Variants in UNC13C observed in about 807,000 individuals in gnomAD.
UNC13C encodes unc-13 homolog C.
In UNC13C, 174 loss-of-function variants were observed where a neutral mutation model predicts 245.4. The observed-to-expected ratio is 0.71, with a 90% CI of 0.63 to 0.80. UNC13C has a LOEUF of 0.80. UNC13C is among the 30% of genes least tolerant of loss of function. The probability of loss-of-function intolerance (pLI) is 0.00; values close to 1 mark genes in which losing one functional copy is unlikely to be tolerated. For missense variants in UNC13C, 2,829 were observed against 2,602.9 expected (o/e 1.09, Z -1.89); for synonymous variants, 992 against 895.1 (o/e 1.11, Z -1.93).
At chr15:54,457,764 T>C (rs1891609938) in intron 19 of UNC13C, among the ~76,000 whole-genome samples, 1 of 152,022 alleles carries the variant, frequency 6.6e-6, no homozygotes, top group African/African-American at 2.4e-5. Flanking sequence ...ATCTTCTCTC[T>C]TCTTTTTCTT....
the UNC13C span, chr15:53,948,522 G>C: frequency 2.6e-5 from 4 of 151,896 alleles, no homozygotes; most frequent in African/African-American, 9.7e-5. Flanking sequence ...GCTGAGGCAG[G>C]AGAATCGCTT....
chr15:54,267,667 C>T (rs2036581048), intron 10 of UNC13C, among the ~76,000 whole-genome samples: 2 of 151,630 alleles, frequency 1.3e-5, no homozygotes, highest in South Asian at 4.1e-4. Flanking sequence ...TAACATATCT[C>T]CCCTACTCCT....
intron 4 of UNC13C, among the ~76,000 whole-genome samples, chr15:54,173,352 C>A (rs1311661206): frequency 1.3e-5 from 2 of 152,056 alleles, no homozygotes; most frequent in African/African-American, 2.4e-5. Context: ...AATCAAAGAA[C>A]ATGTAATGTG....
chr15:54,559,584 A>G (rs77558219), intron 29 of UNC13C, among the ~76,000 whole-genome samples: 3,590 of 152,128 alleles, frequency 0.024, 59 homozygotes, highest in Middle Eastern at 0.11. Flanking sequence ...CCTGCCTTTG[A>G]CTTGGGAACA....
chr15:54,540,944 C>T (rs2141166185), intron 26 of UNC13C, among the ~76,000 whole-genome samples: 1 of 152,082 alleles, frequency 6.6e-6, no homozygotes, highest in East Asian at 1.9e-4. Flanking sequence ...CCAATCATAC[C>T]AGGAATTTTT....
rs374619079 is a variant in UNC13C, at chr15:54,270,252, G to A, written c.3818+4756G>A. On this transcript the variant is annotated intron_variant, in intron 10 of 32. Transcript: ENST00000260323. ...GTTCACAGTGAATTTATGTTCAGACGTTGAAAAATGTATACACATCACAGA... is the reference window on the plus strand; with the variant it reads ...GTTCACAGTGAATTTATGTTCAGACATTGAAAAATGTATACACATCACAGA... Among the ~76,000 whole-genome samples the A allele has an allele frequency of 5.1e-4, 77 of 152,240 alleles. 1 individual carries two copies. In the East Asian group the frequency reaches 6.0e-3, roughly 12 times the overall value.
the UNC13C span, among the ~76,000 whole-genome samples, chr15:53,936,412 T>A: frequency 2.0e-5 from 3 of 152,120 alleles, no homozygotes; most frequent in Non-Finnish European, 4.4e-5. Context: ...GGGCAGCCAC[T>A]GTATCTGCAG....
intron 23 of UNC13C, among the ~76,000 whole-genome samples, chr15:54,509,935 TA>T (rs1360057327): frequency 2.0e-5 from 3 of 152,196 alleles, no homozygotes; most frequent in Admixed American, 2.0e-4. Context: ...CTCTGTAGTC[TA>T]ACTTGGGGTC....
At chr15:54,597,345 C>A (rs1165221039) in intron 30 of UNC13C, among the ~76,000 whole-genome samples, 1 of 152,156 alleles carries the variant, frequency 6.6e-6, no homozygotes, top group Non-Finnish European at 1.5e-5. Flanking sequence ...AAGAATCCTA[C>A]CAGGTACGTT....
the UNC13C span, among the ~76,000 whole-genome samples, chr15:53,972,937 G>A: frequency 6.6e-6 from 1 of 151,964 alleles, no homozygotes; most frequent in East Asian, 1.9e-4. Context: ...GTCAAGCATG[G>A]AAAAATGTCT....
intron 1 of UNC13C, among the ~76,000 whole-genome samples, chr15:54,003,072 A>T (rs951965405): frequency 6.6e-6 from 1 of 152,120 alleles, no homozygotes; most frequent in African/African-American, 2.4e-5. Context: ...GACTCTGTAG[A>T]GGGTTTCTGA....
intron 4 of UNC13C, among the ~76,000 whole-genome samples, chr15:54,222,512 C>T (rs1429338858): frequency 2.0e-5 from 3 of 151,964 alleles, no homozygotes; most frequent in Non-Finnish European, 4.4e-5. Flanking sequence ...ATTTAGGTTG[C>T]TCCTAAGTCT....
chr15:54,069,916 T>G (rs140749957), intron 2 of UNC13C, among the ~76,000 whole-genome samples: 2 of 152,380 alleles, frequency 1.3e-5, no homozygotes, highest in Non-Finnish European at 2.9e-5. Flanking sequence ...AAGCAGTAAA[T>G]GGCATTTATG....
intron 13 of UNC13C, among the ~76,000 whole-genome samples, chr15:54,315,222 C>T (rs1029317817): frequency 6.6e-6 from 1 of 151,722 alleles, no homozygotes; most frequent in Non-Finnish European, 1.5e-5. Context: ...TTGGCCTTGA[C>T]CTACTTTACC....
At chr15:54,268,600 A>G (rs1169105530) in intron 10 of UNC13C, among the ~76,000 whole-genome samples, 1 of 152,094 alleles carries the variant, frequency 6.6e-6, no homozygotes, top group Non-Finnish European at 1.5e-5. Context: ...ACATGGAAAT[A>G]TTTTTGTGCT....
At chr15:54,617,432 T>C (rs576750227) in intron 30 of UNC13C, among the ~76,000 whole-genome samples, 18 of 152,110 alleles carry the variant, frequency 1.2e-4, no homozygotes, top group African/African-American at 4.1e-4. Flanking sequence ...CTATATCTTA[T>C]AAGTTAGAGA....
chr15:53,927,890 G>A, the UNC13C span, among the ~76,000 whole-genome samples: 1 of 152,192 alleles, frequency 6.6e-6, no homozygotes. Flanking sequence ...GTAGAAGAAT[G>A]AGAAGAAGCA....
chr15:54,299,531 GC>G (rs2037521757), intron 12 of UNC13C, among the ~76,000 whole-genome samples: 1 of 152,012 alleles, frequency 6.6e-6, no homozygotes, highest in Non-Finnish European at 1.5e-5. Flanking sequence ...ATGTTTTCAG[GC>G]AAAAACACTC....
At chr15:53,856,659 T>C in the UNC13C span, among the ~76,000 whole-genome samples, 1 of 152,308 alleles carries the variant, frequency 6.6e-6, no homozygotes, top group Non-Finnish European at 1.5e-5. Flanking sequence ...TCTGAGATAC[T>C]GTTATGATTT....
Sources: allele counts gnomAD v4.1 joint callset (sites outside exome capture counted in the v4.1 genomes callset), GRCh38; gene constraint gnomAD v4.1.1; transcripts MANE v1.5; gene names NCBI Gene and HGNC (gene_info 2026-07-23, HGNC 2026-07-21).